Variants in RAD17 observed in about 807,000 individuals in gnomAD.
RAD17 encodes RAD17 checkpoint clamp loader component.
RAD17 carries 31 observed loss-of-function variants against 81.5 expected under a neutral mutation model. The ratio of observed to expected loss-of-function variants is 0.38; its 90% CI spans 0.29 to 0.51. The LOEUF (loss-of-function observed/expected upper bound fraction) is 0.51, where lower values mean the gene tolerates loss of function less well. RAD17 is among the 20% of genes least tolerant of loss of function. The pLI, the probability that RAD17 is intolerant of heterozygous loss-of-function variation, is 0.88. For missense variants in RAD17, 681 were observed against 781.2 expected, an observed-to-expected ratio of 0.87 and a Z score of 1.53; for synonymous variants, 261 against 266.2, an observed-to-expected ratio of 0.98 and a Z score of 0.19.
intron 18 of RAD17, 38 bp from the exon 19 acceptor site, chr5:69,413,993 T>G: frequency 6.2e-7 from 1 of 1,601,396 alleles, no homozygotes; most frequent in Non-Finnish European, 8.5e-7. Context: ...AATCTTCTCC[T>G]TTGGTTCTTA....
intron 7 of RAD17, among the ~76,000 whole-genome samples, chr5:69,382,803 T>C (rs897212484): frequency 6.6e-6 from 1 of 152,048 alleles, no homozygotes; most frequent in Non-Finnish European, 1.5e-5. Flanking sequence ...ATAGTAACAA[T>C]TTTATTTATT....
At chr5:69,371,590 G>C (rs745405661) in intron 3 of RAD17, 33 bp downstream of exon 3, 1 of 1,265,392 alleles carries the variant, frequency 7.9e-7, no homozygotes, top group Non-Finnish European at 1.0e-6. Flanking sequence ...TGTAATAATT[G>C]CCTTAAAATA....
At chr5:69,369,968 A>C (rs1762827952) in intron 1 of RAD17, 35 bp downstream of exon 1, 1 of 529,460 alleles carries the variant, frequency 1.9e-6, no homozygotes, top group Non-Finnish European at 3.3e-6. Context: ...TATTATGTAT[A>C]TGTCTTAGAG....
At chr5:69,404,336 G>T (rs1451167123) in intron 17 of RAD17, among the ~76,000 whole-genome samples, 1 of 152,142 alleles carries the variant, frequency 6.6e-6, no homozygotes, top group Non-Finnish European at 1.5e-5. Flanking sequence ...GAAAATATTT[G>T]TAAATTATAC....
intron 6 of RAD17, 36 bp downstream of exon 6, chr5:69,374,747 A>G: frequency 6.7e-7 from 1 of 1,489,772 alleles, no homozygotes; most frequent in Non-Finnish European, 9.3e-7. Flanking sequence ...ATTTAACATC[A>G]AATATTTTTC....
At chr5:69,410,639 A>AGT in intron 18 of RAD17, 89 bp downstream of exon 18, 1 of 1,224,258 alleles carries the variant, frequency 8.2e-7, no homozygotes, top group Non-Finnish European at 1.2e-6. Flanking sequence ...TACCTGTAAC[A>AGT]TCCAAGAAAG....
chr5:69,385,207 A>AC (rs1764124127), intron 8 of RAD17, among the ~76,000 whole-genome samples: 1 of 147,864 alleles, frequency 6.8e-6, no homozygotes, highest in Non-Finnish European at 1.5e-5. Context: ...TGATATGCCC[A>AC]CCGTGGCCTC....
At chr5:69,382,842 C>G (rs1215877695) in intron 7 of RAD17, among the ~76,000 whole-genome samples, 1 of 152,140 alleles carries the variant, frequency 6.6e-6, no homozygotes, top group African/African-American at 2.4e-5. Flanking sequence ...GAGTCTCACT[C>G]TGTCGCCCAG....
At chr5:69,407,728 C>T (rs546305816) in intron 17 of RAD17, among the ~76,000 whole-genome samples, 51 of 152,092 alleles carry the variant, frequency 3.4e-4, no homozygotes, top group African/African-American at 1.2e-3. Flanking sequence ...AGGCATGTGC[C>T]GCTATGCCCG....
At chr5:69,382,864 A>G (rs1763941831) in intron 7 of RAD17, among the ~76,000 whole-genome samples, 1 of 151,794 alleles carries the variant, frequency 6.6e-6, no homozygotes, top group African/African-American at 2.4e-5. Context: ...CTGGAGTACA[A>G]CCTCTGCCTC....
chr5:69,371,605 T>A, intron 3 of RAD17, 48 bp downstream of exon 3: 1 of 1,020,826 alleles, frequency 9.8e-7, no homozygotes. Flanking sequence ...AAAATAATTA[T>A]AAATTTTTAT....
chr5:69,389,670 T>C (rs2150825613), intron 12 of RAD17, among the ~76,000 whole-genome samples: 1 of 152,350 alleles, frequency 6.6e-6, no homozygotes, highest in East Asian at 1.9e-4. Context: ...AGACGGAGTC[T>C]CGCTCTGCCG....
intron 17 of RAD17, among the ~76,000 whole-genome samples, chr5:69,406,034 T>A (rs1227419647): frequency 2.2e-5 from 2 of 90,462 alleles, no homozygotes; most frequent in East Asian, 6.4e-4. Flanking sequence ...AGAGCCAGAC[T>A]CCATCTCAAA....
intron 18 of RAD17, 43 bp from the exon 19 acceptor site, chr5:69,413,988 T>C (rs1334368467): frequency 6.3e-7 from 1 of 1,590,288 alleles, no homozygotes. Flanking sequence ...TTAAAAATCT[T>C]CTCCTTTGGT....
chr5:69,380,950 G>T (rs955072385), intron 6 of RAD17, among the ~76,000 whole-genome samples: 2 of 151,470 alleles, frequency 1.3e-5, no homozygotes, highest in African/African-American at 2.4e-5. Flanking sequence ...TATTTTTTTT[G>T]TAGAGACAGG....
intron 6 of RAD17, among the ~76,000 whole-genome samples, chr5:69,380,193 T>A (rs576146479): frequency 9.2e-5 from 14 of 151,952 alleles, no homozygotes; most frequent in East Asian, 3.9e-4. Flanking sequence ...CTTTTTTTTT[T>A]AAAAAACAAG....
chr5:69,400,536 A>G (rs1200059111), intron 17 of RAD17, among the ~76,000 whole-genome samples: 1 of 152,158 alleles, frequency 6.6e-6, no homozygotes, highest in South Asian at 2.1e-4. Context: ...TTTTATAGCA[A>G]TATCTTTTTG....
At chr5:69,413,477 A>G (rs1202811808) in intron 18 of RAD17, among the ~76,000 whole-genome samples, 1 of 152,108 alleles carries the variant, frequency 6.6e-6, no homozygotes, top group Non-Finnish European at 1.5e-5. Flanking sequence ...TACTGAAGAC[A>G]TTATTTCTTT....
At chr5:69,407,834 G>A (rs1765724982) in intron 17 of RAD17, among the ~76,000 whole-genome samples, 1 of 152,132 alleles carries the variant, frequency 6.6e-6, no homozygotes, top group African/African-American at 2.4e-5. Flanking sequence ...TTACAAGCAT[G>A]AGCTACCACG....
Sources: allele counts gnomAD v4.1 joint callset (sites outside exome capture counted in the v4.1 genomes callset), GRCh38; gene constraint gnomAD v4.1.1; transcripts MANE v1.5; gene names NCBI Gene and HGNC (gene_info 2026-07-23, HGNC 2026-07-21).